Variants in DDAH1 observed in about 807,000 individuals in gnomAD.
DDAH1 encodes dimethylarginine dimethylaminohydrolase 1, also known as N(G),N(G)-dimethylarginine dimethylaminohydrolase 1.
Under a neutral mutation model 28.8 loss-of-function variants are expected in DDAH1, and 19 were observed. The observed-to-expected ratio is 0.66, with a 90% CI of 0.46 to 0.97. The LOEUF is 0.97. Ranked by LOEUF, DDAH1 falls within the 50% of genes least tolerant of loss-of-function variation. The probability of loss-of-function intolerance (pLI) is 0.00; values close to 1 mark genes in which losing one functional copy is unlikely to be tolerated. For missense variants in DDAH1, 326 were observed against 375.9 expected (o/e 0.87, Z 1.10); for synonymous variants, 153 against 154.4 (o/e 0.99, Z 0.07).
chr1:85,335,369 T>C (rs1163062687), intron 4 of DDAH1, among the ~76,000 whole-genome samples: 1 of 152,090 alleles, frequency 6.6e-6, no homozygotes, highest in African/African-American at 2.4e-5. Flanking sequence ...GTAATGAAGG[T>C]TATTAAAAAA....
intron 1 of DDAH1, among the ~76,000 whole-genome samples, chr1:85,561,032 G>T (rs531103370): frequency 6.6e-6 from 1 of 151,820 alleles, no homozygotes; most frequent in Non-Finnish European, 1.5e-5. Flanking sequence ...TTCCTCATAC[G>T]ACTTTAACAA....
intron 1 of DDAH1, among the ~76,000 whole-genome samples, chr1:85,460,015 C>T (rs1216638820): frequency 1.3e-5 from 2 of 152,128 alleles, no homozygotes; most frequent in African/African-American, 4.8e-5. Flanking sequence ...TCATAAAAAC[C>T]TCATTTCTGC....
intron 4 of DDAH1, among the ~76,000 whole-genome samples, chr1:85,343,403 C>A (rs1257144199): frequency 1.3e-5 from 2 of 152,166 alleles, no homozygotes; most frequent in Non-Finnish European, 2.9e-5. Flanking sequence ...GCAACTGCTG[C>A]CAGGAAAAGG....
chr1:85,324,911 GAA>G (rs1264027955), intron 4 of DDAH1, 28 bp from the exon 5 acceptor site: 1 of 1,611,608 alleles, frequency 6.2e-7, no homozygotes, highest in Non-Finnish European at 8.5e-7. Flanking sequence ...GCAGGCCTAA[GAA>G]GAGTAACTCC....
At chr1:85,370,326 A>G (rs1650315862) in intron 1 of DDAH1, among the ~76,000 whole-genome samples, 1 of 152,236 alleles carries the variant, frequency 6.6e-6, no homozygotes, top group South Asian at 2.1e-4. Context: ...GTGAGAAAAT[A>G]TATCTCTGTT....
intron 1 of DDAH1, among the ~76,000 whole-genome samples, chr1:85,359,871 T>C (rs2100860739): frequency 6.6e-6 from 1 of 152,336 alleles, no homozygotes; most frequent in Middle Eastern, 3.4e-3. Context: ...TACTTTAATA[T>C]AAGAAATGAA....
At chr1:85,458,424 CTTTTT>C (rs3058826) in intron 1 of DDAH1, among the ~76,000 whole-genome samples, 5 of 101,760 alleles carry the variant, frequency 4.9e-5, no homozygotes, top group African/African-American at 7.8e-5. Flanking sequence ...TACACACACA[CTTTTT>C]TTTTTTTTTT....
At chr1:85,353,950 T>TA (rs931242413) in intron 2 of DDAH1, among the ~76,000 whole-genome samples, 1 of 151,982 alleles carries the variant, frequency 6.6e-6, no homozygotes, top group East Asian at 1.9e-4. Context: ...TGAAAAAAAG[T>TA]AAAAAAAGGC....
At chr1:85,561,938 T>A (rs1189829050) in intron 1 of DDAH1, among the ~76,000 whole-genome samples, 1 of 152,216 alleles carries the variant, frequency 6.6e-6, no homozygotes, top group Admixed American at 6.5e-5. Flanking sequence ...CCTTTTGCAG[T>A]TTCTTTCTAA....
intron 1 of DDAH1, among the ~76,000 whole-genome samples, chr1:85,393,415 A>G (rs951644294): frequency 3.3e-5 from 5 of 152,224 alleles, no homozygotes; most frequent in African/African-American, 1.2e-4. Flanking sequence ...TATTCATTAG[A>G]GGGCTCTACC....
At chr1:85,537,047 ACAAG>A (rs1304444863) in intron 1 of DDAH1, among the ~76,000 whole-genome samples, 1 of 150,488 alleles carries the variant, frequency 6.6e-6, no homozygotes, top group African/African-American at 2.4e-5. Context: ...CTATTCAGTC[ACAAG>A]CAAGAATAGC....
chr1:85,493,461 C>G (rs995208731), intron 2 of DDAH1: 1 of 152,120 alleles, frequency 6.6e-6, no homozygotes, highest in African/African-American at 2.4e-5. Context: ...AAGTTTAGTA[C>G]TGTAAACAAA....
intron 1 of DDAH1, among the ~76,000 whole-genome samples, chr1:85,531,192 A>G (rs1245056467): frequency 6.6e-6 from 1 of 152,120 alleles, no homozygotes; most frequent in African/African-American, 2.4e-5. Flanking sequence ...ACCAGGACCT[A>G]CTTCTGCCCC....
chr1:85,432,466 GTGTGTAT>G (rs1329355031), intron 1 of DDAH1, among the ~76,000 whole-genome samples: 2 of 152,038 alleles, frequency 1.3e-5, no homozygotes, highest in East Asian at 3.8e-4. Context: ...TTTTATTTTC[GTGTGTAT>G]TGTTTCTGAC....
chr1:85,565,621 A>G (rs780676109), intron 1 of DDAH1, among the ~76,000 whole-genome samples: 4 of 152,256 alleles, frequency 2.6e-5, no homozygotes, highest in Non-Finnish European at 4.4e-5. Flanking sequence ...TTCAAAAGCT[A>G]AAAGAATCCA....
intron 2 of DDAH1, among the ~76,000 whole-genome samples, chr1:85,357,093 G>A (rs7531873): frequency 2.6e-4 from 40 of 152,252 alleles, no homozygotes; most frequent in African/African-American, 9.6e-4. Context: ...CTGTTGTTCT[G>A]TACTGTCAAA....
At chr1:85,347,655 A>G (rs1420581933) in intron 4 of DDAH1, among the ~76,000 whole-genome samples, 1 of 152,156 alleles carries the variant, frequency 6.6e-6, no homozygotes, top group Non-Finnish European at 1.5e-5. Context: ...TGGGAGATAT[A>G]CCTAATGTAA....
intron 1 of DDAH1, among the ~76,000 whole-genome samples, chr1:85,540,793 A>G (rs1241492580): frequency 6.6e-6 from 1 of 151,924 alleles, no homozygotes; most frequent in African/African-American, 2.4e-5. Context: ...CCCTGTCTCT[A>G]CTAAAAAAAT....
chr1:85,578,031 T>A, exon 1 of DDAH1: 1 of 985,476 alleles, frequency 1.0e-6, no homozygotes, highest in Non-Finnish European at 1.2e-6. Context: ...CTTGGACTGA[T>A]CTGCGGCTCC....
Sources: gnomAD v4.1 joint callset for allele counts (sites outside exome capture counted in the v4.1 genomes callset) on GRCh38, gnomAD v4.1.1 for gene constraint, MANE v1.5 for transcripts, NCBI Gene and HGNC (gene_info 2026-07-23, HGNC 2026-07-21) for gene names.